PRDM9: variants seen among roughly 807,000 people sequenced by gnomAD.
PRDM9 encodes histone-lysine N-methyltransferase PRDM9.
A neutral mutation model predicts 55.6 loss-of-function variants in PRDM9; 47 were observed. That is an observed-to-expected ratio of 0.85 (90% confidence interval 0.67 to 1.08). The LOEUF is 1.08. Among genes scored for constraint, PRDM9 ranks in the 50% least tolerant of loss-of-function variants. The pLI is 0.00. For synonymous variants in PRDM9, 312 were observed against 375.7 expected, an observed-to-expected ratio of 0.83 and a Z score of 1.96; for missense variants, 867 against 1,040.3, an observed-to-expected ratio of 0.83 and a Z score of 2.29.
intron 9 of PRDM9, among the ~76,000 whole-genome samples, chr5:23,523,768 C>G (rs1428639376): frequency 6.6e-6 from 1 of 152,120 alleles, no homozygotes; most frequent in African/African-American, 2.4e-5. Context: ...CTCGTTCTAT[C>G]AGAGAATAGA....
chr5:23,514,197 A>G (rs1364496237), intron 4 of PRDM9, among the ~76,000 whole-genome samples: 1 of 152,134 alleles, frequency 6.6e-6, no homozygotes, highest in Admixed American at 6.5e-5. Context: ...TGCCCATTGT[A>G]TTAGTCAGCC....
intron 10 of PRDM9, among the ~76,000 whole-genome samples, chr5:23,525,219 G>T (rs181453727): frequency 6.6e-6 from 1 of 152,186 alleles, no homozygotes; most frequent in Non-Finnish European, 1.5e-5. Flanking sequence ...GGCACAGGGC[G>T]CAGCTAGTGC....
chr5:23,527,841 AC>A lies in PRDM9; in HGVS notation c.*72del. ...AAATGTGGTCACCACACACTTGCAC[AC>A]CCCAGCTGTGAGGTGGCTTCAGCGG... On this transcript the variant is annotated 3_prime_UTR_variant, in exon 11 of 11. Transcript: ENST00000296682. 3 of 1,593,190 alleles carry A rather than the reference AC, an allele frequency of 1.9e-6. No individual in the cohort carries two copies. The highest frequency in any genetic ancestry group is 2.6e-6 in the Non-Finnish European group (3 of 1,164,500).
chr5:23,524,451 G>A lies in PRDM9; in HGVS notation c.1068G>A (p.Trp356Ter), dbSNP rs767683152. The change falls in exon 10 of 11, where the codon TGG (tryptophan) becomes TGA (stop). Residue 356 changes from tryptophan (W) to a stop codon, truncating the protein, a stop_gained. Transcript: ENST00000296682. LOFTEE classifies it high-confidence loss of function. ...VIRPGCELLVWYGDEYGQELG... is the reference protein window; with the variant it reads ...VIRPGCELLV The stretch of plus-strand genomic sequence containing the variant: ...GGCCAGGCTGTGAACTGCTGGTCTG[G>A]TATGGGGATGAATACGGCCAGGAAC... 6.2e-7 allele frequency: 1 copy of A among 1,613,996 alleles called. No homozygotes were observed. The highest frequency in any genetic ancestry group is 1.1e-5 in the South Asian group (1 of 91,076).
chr5:23,517,012 G>A (rs1052570549), intron 4 of PRDM9, among the ~76,000 whole-genome samples: 1 of 150,680 alleles, frequency 6.6e-6, no homozygotes, highest in Non-Finnish European at 1.5e-5. Flanking sequence ...AATTAGCTGG[G>A]CGTGGTGGTG....
chr5:23,526,981 A>G lies in PRDM9; in HGVS notation c.1893A>G (p.Thr631=). Residue 631 remains threonine, a synonymous_variant, in exon 11 of 11, where the codon ACA becomes ACG. Transcript: ENST00000296682. ...TCCTCACTCACCAGAGGAGACACAC[A>G]GGGGAGAAGCCCTATGTCTGCAGGG... ...SVLLTHQRRH[T]GEKPYVCREC... 1 of 1,379,308 alleles carries G rather than the reference A, an allele frequency of 7.3e-7. No homozygotes were observed. The highest frequency in any genetic ancestry group is 9.9e-7 in the Non-Finnish European group (1 of 1,007,860). 85.4% of individuals were successfully genotyped at this position (1,379,308 alleles called of 1,614,324 possible). A position where few individuals can be genotyped will look rare whatever the true frequency, so the allele number is the denominator to read the frequency against.
At chr5:23,520,262 G>A (rs1739303164) in intron 5 of PRDM9, among the ~76,000 whole-genome samples, 1 of 149,262 alleles carries the variant, frequency 6.7e-6, no homozygotes, top group South Asian at 2.1e-4. Context: ...CTTCTCGGGA[G>A]GCTGAGGTAG....
Position 23,526,591 on chromosome 5 carries a change from C to G in PRDM9, c.1503C>G (p.Gly501=). The G allele has an allele frequency of 6.2e-7, 1 of 1,614,164 alleles. No individual in the cohort carries two copies. The highest frequency in any genetic ancestry group is 8.5e-7 in the Non-Finnish European group (1 of 1,180,040). ...TAATGGAAGAAGAGTCCAGAACAGG[C>G]CAGAAAGTGAATCCAGGGAACACAG... The part of the protein sequence containing the change: ...KRIMEEESRT[G]QKVNPGNTGK... The change falls in exon 11 of 11, where the codon GGC becomes GGG. Residue 501 remains glycine, a synonymous_variant. Transcript: ENST00000296682.
chr5:23,528,045 GT>G lies in PRDM9; in HGVS notation c.*279del, dbSNP rs545052267. On this transcript the variant is annotated 3_prime_UTR_variant, in exon 11 of 11. Transcript: ENST00000296682. ...CACTGATCCCCTCCATTTTTTGTTT[GT>G]TTTTTTGCCTCCTGTTCTAATAAAT... The G allele has an allele frequency of 1.6e-5, 9 of 561,366 alleles. No homozygotes were observed. Among genetic ancestry groups the G allele is most frequent in the Admixed American group, 9.3e-5 (3 of 32,420 alleles). 34.8% of individuals were successfully genotyped at this position (561,366 alleles called of 1,614,324 possible).
chr5:23,514,600 C>G (rs1310049686), intron 4 of PRDM9, among the ~76,000 whole-genome samples: 1 of 152,016 alleles, frequency 6.6e-6, no homozygotes, highest in Non-Finnish European at 1.5e-5. Context: ...AGGGGCACAC[C>G]AGCTAATTTT....
At chr5:23,509,321 T>C (rs2126405399) in intron 2 of PRDM9, 149 bp from the exon 3 acceptor site, 1 of 1,459,106 alleles carries the variant, frequency 6.9e-7, no homozygotes. Context: ...CTCAGTTAAA[T>C]GGGACACAGT....
At chr5:23,517,831 T>C (rs778377227) in intron 4 of PRDM9, 50 bp from the exon 5 acceptor site, 2 of 1,442,762 alleles carry the variant, frequency 1.4e-6, no homozygotes, top group African/African-American at 1.4e-5. Flanking sequence ...GAATCTCTAG[T>C]GTTTGGAAAC....
At chr5:23,524,971 A>G (rs1024745135) in intron 10 of PRDM9, among the ~76,000 whole-genome samples, 3 of 152,344 alleles carry the variant, frequency 2.0e-5, no homozygotes, top group South Asian at 4.1e-4. Context: ...GTAAATATAG[A>G]TTGATCAAGA....
rs1163466967 is a variant in PRDM9, at chr5:23,527,858, G to T, written c.*85G>T. The T allele has an allele frequency of 9.0e-6, 14 of 1,549,760 alleles. No individual in the cohort carries two copies. Among genetic ancestry groups the T allele is most frequent in the Non-Finnish European group, 1.1e-5 (12 of 1,129,556 alleles). On this transcript the variant is annotated 3_prime_UTR_variant, in exon 11 of 11. Transcript: ENST00000296682. ...ACTTGCACACCCCAGCTGTGAGGTG[G>T]CTTCAGCGGAAGTCTGCTGACCCCT...
intron 5 of PRDM9, 66 bp downstream of exon 5, chr5:23,517,996 G>C: frequency 7.0e-7 from 1 of 1,420,400 alleles, no homozygotes. Context: ...GGTAAGAGGA[G>C]GAGAATGTAC....
chr5:23,520,388 C>T (rs1041443422), intron 5 of PRDM9, among the ~76,000 whole-genome samples: 2 of 138,096 alleles, frequency 1.4e-5, no homozygotes, highest in African/African-American at 5.4e-5. Context: ...AAAAAAAAAG[C>T]ATGTATGCCA....
At chr5:23,511,129 C>G (rs1285449394) in intron 4 of PRDM9, among the ~76,000 whole-genome samples, 6 of 151,938 alleles carry the variant, frequency 3.9e-5, no homozygotes, top group Non-Finnish European at 8.8e-5. Flanking sequence ...ACCCTCCAGC[C>G]TGGGCAACAG....
intron 4 of PRDM9, among the ~76,000 whole-genome samples, chr5:23,513,903 C>A (rs564479565): frequency 1.4e-4 from 22 of 151,802 alleles, no homozygotes; most frequent in African/African-American, 5.3e-4. Context: ...AACAAAAAAA[C>A]CCACACACAC....
intron 7 of PRDM9, 91 bp downstream of exon 7, chr5:23,522,496 T>C: frequency 6.3e-7 from 1 of 1,584,150 alleles, no homozygotes; most frequent in South Asian, 1.1e-5. Context: ...TCCCTTACTC[T>C]AATGAATTAG....
Sources: allele counts gnomAD v4.1 joint callset (sites outside exome capture counted in the v4.1 genomes callset), GRCh38; gene constraint gnomAD v4.1.1; transcripts MANE v1.5; gene names NCBI Gene and HGNC (gene_info 2026-07-23, HGNC 2026-07-21).